DDX59: variants seen among roughly 807,000 people sequenced by gnomAD.
DDX59 encodes DEAD-box helicase 59.
DDX59 carries 30 observed loss-of-function variants against 51.9 expected under a neutral mutation model. The ratio of observed to expected loss-of-function variants is 0.58; its 90% CI spans 0.43 to 0.78. DDX59 has a LOEUF of 0.78. DDX59 is among the 30% of genes least tolerant of loss of function. The probability of loss-of-function intolerance (pLI) is 0.00; values close to 1 mark genes in which losing one functional copy is unlikely to be tolerated. For missense variants in DDX59, 672 were observed against 730.8 expected (o/e 0.92, Z 0.93); for synonymous variants, 255 against 253.3 (o/e 1.01, Z -0.06).
At chr1:200,649,264 T>C (rs1661495990) in intron 5 of DDX59, 38 bp from the exon 6 acceptor site, 1 of 1,480,208 alleles carries the variant, frequency 6.8e-7, no homozygotes, top group Non-Finnish European at 9.1e-7. Context: ...ATTATTCATA[T>C]AAAATAATTT....
chr1:200,650,123 C>T (rs1052624422), intron 5 of DDX59, among the ~76,000 whole-genome samples: 1 of 152,104 alleles, frequency 6.6e-6, no homozygotes, highest in East Asian at 1.9e-4. Context: ...GGATTACAGG[C>T]TTGAGCCACC....
At chr1:200,643,503 C>T (rs749519559), downstream of DDX59, among the ~76,000 whole-genome samples, 24 of 150,674 alleles carry the variant, frequency 1.6e-4, no homozygotes, top group Non-Finnish European at 2.7e-4. Context: ...ATTAGCCGGG[C>T]GTGGTGGCAG....
rs150913822 is a variant in DDX59, at chr1:200,666,593, C to A, written c.148G>T (p.Ala50Ser). 2 of 1,614,188 alleles carry A rather than the reference C, an allele frequency of 1.2e-6. No individual in the cohort carries two copies. Among genetic ancestry groups the A allele is most frequent in the East Asian group, 4.5e-5 (2 of 44,882 alleles). The change falls in exon 2 of 8, where the codon GCC (alanine) becomes TCC (serine). Residue 50 changes from alanine to serine, a missense_variant. Ala to Ser is a moderately conservative substitution (Grantham distance 99). Transcript: ENST00000331314. Reference sequence around the variant, plus strand: ...TCGCTGATGTGCCTGTCTATTGTGGCTGCTTCTGTAGCTACAGCATCAACG... The same window carrying A: ...TCGCTGATGTGCCTGTCTATTGTGGATGCTTCTGTAGCTACAGCATCAACG... Reference protein sequence around the residue: ...VPVDAVATEAATIDRHISESC... With the variant: ...VPVDAVATEASTIDRHISESC...
intron 5 of DDX59, among the ~76,000 whole-genome samples, chr1:200,650,126 G>C (rs892671303): frequency 2.6e-5 from 4 of 152,076 alleles, no homozygotes; most frequent in African/African-American, 9.7e-5. Flanking sequence ...TTACAGGCTT[G>C]AGCCACCGCA....
At chr1:200,657,674 G>A (rs1001099290) in intron 4 of DDX59, among the ~76,000 whole-genome samples, 3 of 151,152 alleles carry the variant, frequency 2.0e-5, no homozygotes, top group African/African-American at 7.3e-5. Flanking sequence ...GCACAAACCT[G>A]GGAGGTGGAG....
rs1034058804 is a variant in DDX59 at position 200,669,875 on chromosome 1, C to G, written c.-120G>C. 6.8e-6 allele frequency: 1 copy of G among 146,406 alleles called. No individual in the cohort carries two copies. Among genetic ancestry groups the G allele is most frequent in the Non-Finnish European group, 1.5e-5 (1 of 66,722 alleles). The allele number at this position is 146,406 out of a possible 1,614,324, so 9.1% of individuals were successfully genotyped here. On this transcript the variant is annotated 5_prime_UTR_variant, in exon 1 of 8. Transcript: ENST00000331314. ...ACAAGCCCTGACCCGCTCGTCAGGA[C>G]TGCGGCCCGGGGTTGGTGGTGCGGA...
Position 200,644,378 on chromosome 1 carries a change from G to C in DDX59, c.1736C>G (p.Pro579Arg), listed in dbSNP as rs772659426. 2 of 1,613,824 alleles carry C rather than the reference G, an allele frequency of 1.2e-6. No individual in the cohort carries two copies. The highest frequency in any genetic ancestry group is 3.3e-5 in the Admixed American group (2 of 59,956). ...SILPPQLLNS[P>R]YLHDQKRKEQ... is the part of the protein sequence containing the mutation. ...CTTTCTCTTCTGGTCATGAAGGTAT[G>C]GGGAATTTAATAACTGAGGGGGAAG... The change falls in exon 8 of 8, where the codon CCA (proline) becomes CGA (arginine). Residue 579 changes from proline to arginine, a missense_variant. Transcript: ENST00000331314.
chr1:200,652,320 G>C (rs1324461086), intron 4 of DDX59, among the ~76,000 whole-genome samples: 4 of 152,036 alleles, frequency 2.6e-5, no homozygotes, highest in Non-Finnish European at 5.9e-5. Context: ...ACCCAGCTCA[G>C]CATTGTATTT....
At chr1:200,649,934 C>T (rs1407436644) in intron 5 of DDX59, among the ~76,000 whole-genome samples, 1 of 151,726 alleles carries the variant, frequency 6.6e-6, no homozygotes, top group Non-Finnish European at 1.5e-5. Flanking sequence ...GCCCTGCCTC[C>T]CAGATTCACA....
At chr1:200,652,176 A>G (rs1661711407) in intron 4 of DDX59, among the ~76,000 whole-genome samples, 1 of 151,802 alleles carries the variant, frequency 6.6e-6, no homozygotes. Flanking sequence ...TTGTTTTGAG[A>G]CAGGGTCTTG....
In DDX59 at chr1:200,666,484, G is replaced by A; in HGVS notation, c.257C>T (p.Pro86Leu). The change falls in exon 2 of 8, where the codon CCT (proline) becomes CTT (leucine). Residue 86 changes from proline (P) to leucine (L), a missense_variant. Transcript: ENST00000331314. Reference protein sequence around the residue: ...SPEQGAKDSHPSEEPVKSFSK... With the variant: ...SPEQGAKDSHLSEEPVKSFSK... ...AAATGACTTAACGGGCTCTTCAGAAGGATGGCTGTCCTTCGCACCCTGCTC... is the reference window on the plus strand; with the variant it reads ...AAATGACTTAACGGGCTCTTCAGAAAGATGGCTGTCCTTCGCACCCTGCTC... The A allele has an allele frequency of 1.9e-6, 3 of 1,614,176 alleles. No individual in the cohort carries two copies. Among genetic ancestry groups the A allele is most frequent in the Non-Finnish European group, 1.7e-6 (2 of 1,180,028 alleles).
intron 5 of DDX59, among the ~76,000 whole-genome samples, chr1:200,649,703 T>C (rs1336963228): frequency 6.6e-6 from 1 of 151,544 alleles, no homozygotes. Flanking sequence ...ATTTAAAATA[T>C]GCACAAACAG....
chr1:200,646,655 A>C (rs1159893909), intron 7 of DDX59, among the ~76,000 whole-genome samples: 3 of 152,226 alleles, frequency 2.0e-5, no homozygotes, highest in Non-Finnish European at 4.4e-5. Context: ...CGCAGGCGAG[A>C]ATGTAAAATG....
At chr1:200,641,352 T>C (rs1661042380), downstream of DDX59, 12 of 464,144 alleles carry the variant, frequency 2.6e-5, no homozygotes, top group Non-Finnish European at 4.3e-5. Context: ...ACAGTTTAAA[T>C]ATGTGGCAAT....
intron 2 of DDX59, among the ~76,000 whole-genome samples, chr1:200,665,652 A>T (rs1662677917): frequency 6.6e-6 from 1 of 152,194 alleles, no homozygotes; most frequent in South Asian, 2.1e-4. Flanking sequence ...TCCAAAGCTC[A>T]TTCTGTTAAT....
chr1:200,662,961 T>C (rs528387292), intron 3 of DDX59, among the ~76,000 whole-genome samples: 26 of 152,226 alleles, frequency 1.7e-4, no homozygotes, highest in Non-Finnish European at 3.1e-4. Context: ...ACTGATCCAA[T>C]ATCCCATTAA....
intron 2 of DDX59, among the ~76,000 whole-genome samples, chr1:200,664,635 T>A (rs896622198): frequency 6.6e-6 from 1 of 152,154 alleles, no homozygotes; most frequent in African/African-American, 2.4e-5. Flanking sequence ...TACTACTCTT[T>A]AGTTTTCCAA....
intron 7 of DDX59, among the ~76,000 whole-genome samples, chr1:200,645,807 T>G (rs1661260689): frequency 6.6e-6 from 1 of 152,080 alleles, no homozygotes; most frequent in Non-Finnish European, 1.5e-5. Context: ...TTTAACACTG[T>G]AAAAGAAACT....
rs1390042299 is a variant in DDX59 at position 200,644,484 on chromosome 1, T to C, written c.1630A>G (p.Thr544Ala). 11 of 1,597,372 alleles carry C rather than the reference T, an allele frequency of 6.9e-6. No homozygotes were observed. Among genetic ancestry groups the C allele is most frequent in the Non-Finnish European group, 9.4e-6 (11 of 1,172,008 alleles). The stretch of plus-strand genomic sequence containing the variant: ...TTATTATTGATGAAAGTAATCGCTG[T>C]TCCATTTTGACCTAATCTTCCTACT... ...GRVGRLGQNG[T>A]AITFINNNSK... Residue 544 changes from threonine to alanine, a missense_variant, in exon 8 of 8, where the codon ACA (threonine) becomes GCA (alanine). Transcript: ENST00000331314.
Sources: allele counts gnomAD v4.1 joint callset (sites outside exome capture counted in the v4.1 genomes callset), GRCh38; gene constraint gnomAD v4.1.1; transcripts MANE v1.5; gene names NCBI Gene and HGNC (gene_info 2026-07-23, HGNC 2026-07-21).